Variants in PEX6 observed in about 807,000 individuals in gnomAD.
The protein encoded by PEX6 is peroxisome biogenesis factor 6.
In PEX6, 55 loss-of-function variants were observed where a neutral mutation model predicts 85.6. The ratio of observed to expected loss-of-function variants is 0.64; its 90% CI spans 0.52 to 0.80. PEX6 has a LOEUF of 0.80. PEX6 is among the 30% of genes least tolerant of loss of function. PEX6 has a pLI of 0.00. For synonymous variants in PEX6, 519 were observed against 549.1 expected (o/e 0.95, Z 0.77); for missense variants, 1,099 against 1,260.3 (o/e 0.87, Z 1.94).
Position 42,966,345 on chromosome 6 carries a change from G to A in PEX6, c.2197C>T (p.Leu733=). Residue 733 remains leucine (L), a synonymous_variant, in exon 11 of 17, where the codon CTG becomes TTG. Coordinates refer to ENST00000304611, the MANE Select transcript of PEX6 (RefSeq NM_000287.4). The stretch of plus-strand genomic sequence containing the variant: ...AGAAGGCCTGAGCGTCTCAGGCCCA[G>A]GCTCAGTAGCTCAGGGTGCTCCAGG... ...LPLEHPELLS[L]GLRRSGLLLH... The A allele has an allele frequency of 6.2e-7, 1 of 1,613,844 alleles. No individual in the cohort carries two copies. Among genetic ancestry groups the A allele is most frequent in the Non-Finnish European group, 8.5e-7 (1 of 1,179,992 alleles).
At chr6:42,969,009 G>A (rs754321415) in intron 5 of PEX6, 24 bp from the exon 6 acceptor site, 11 of 1,521,584 alleles carry the variant, frequency 7.2e-6, no homozygotes, top group South Asian at 1.1e-5. Context: ...ACAGACATTC[G>A]TCTCCTTCAT....
Position 42,966,414 on chromosome 6 carries a change from G to A in PEX6, c.2128C>T (p.Leu710=), listed in dbSNP as rs2114240061. Residue 710 remains leucine (L), a synonymous_variant, in exon 11 of 17, where the codon CTG becomes TTG. Transcript: ENST00000304611. The stretch of plus-strand genomic sequence containing the variant: ...AGGATCTCCTTCTTCACCTCCTGCA[G>A]CCCACCCACATCATGCCAGGACACT... ...PSVSWHDVGG[L]QEVKKEILET... The A allele has an allele frequency of 1.9e-6, 3 of 1,614,140 alleles. No individual in the cohort carries two copies. Among genetic ancestry groups the A allele is most frequent in the Non-Finnish European group, 2.5e-6 (3 of 1,180,020 alleles).
intron 3 of PEX6, among the ~76,000 whole-genome samples, chr6:42,972,420 G>A (rs368174431): frequency 3.3e-5 from 5 of 152,240 alleles, no homozygotes; most frequent in Non-Finnish European, 5.9e-5. Context: ...TTCTTGGCTC[G>A]GTTATGCTCT....
Position 42,965,861 on chromosome 6 carries a change from G to C in PEX6, c.2363-72C>G. Reference sequence around the variant, plus strand: ...GGGGTTGAAGTTAGGTGAGAGCAGGGAGGGAAACTGGGGCCTGACAATACA... The same window carrying C: ...GGGGTTGAAGTTAGGTGAGAGCAGGCAGGGAAACTGGGGCCTGACAATACA... On this transcript the variant is annotated intron_variant, in intron 12 of 16. Transcript: ENST00000304611. This position sits in a 1 kb window ranked among gnomAD's most constrained non-coding sequence, Gnocchi z 5.0. The C allele has an allele frequency of 7.1e-7, 1 of 1,408,310 alleles. No individual in the cohort carries two copies. Among genetic ancestry groups the C allele is most frequent in the Non-Finnish European group, 1.0e-6 (1 of 995,346 alleles). 87.2% of individuals were successfully genotyped at this position (1,408,310 alleles called of 1,614,324 possible).
At chr6:42,966,018 C>A (rs759417757) in intron 12 of PEX6, 26 bp downstream of exon 12, 154 of 1,611,248 alleles carry the variant, frequency 9.6e-5, no homozygotes, top group South Asian at 1.3e-4. Flanking sequence ...AAGCATGGGA[C>A]GCCCTGCCCC....
At chr6:42,974,442 G>GTTTTTTTTTTT (rs71855084) in intron 2 of PEX6, among the ~76,000 whole-genome samples, 14 of 115,976 alleles carry the variant, frequency 1.2e-4, no homozygotes, top group South Asian at 2.7e-4. Context: ...TGTCTGAAAT[G>GTTTTTTTTTTT]TTTTTTTTGT....
At position 42,965,942 on chromosome 6, in the gene PEX6, G is replaced by A. The variant is rs1490019445; in HGVS notation, c.2362+102C>T. Reference sequence around the variant, plus strand: ...GGGCAGGAACCTGACTTGTAGAAAGGAGGATTAGGAATGATCATGAGTAGC... The same window carrying A: ...GGGCAGGAACCTGACTTGTAGAAAGAAGGATTAGGAATGATCATGAGTAGC... On this transcript the variant is annotated intron_variant, in intron 12 of 16. Transcript: ENST00000304611. This position sits in a 1 kb window ranked among gnomAD's most constrained non-coding sequence, Gnocchi z 5.0. 7.0e-7 allele frequency: 1 copy of A among 1,426,820 alleles called. No homozygotes were observed. Among genetic ancestry groups the A allele is most frequent in the African/African-American group, 1.4e-5 (1 of 71,378 alleles). 88.4% of individuals were successfully genotyped at this position (1,426,820 alleles called of 1,614,324 possible). A position where few individuals can be genotyped will look rare whatever the true frequency, so the allele number is the denominator to read the frequency against.
rs1055515273 is a variant in PEX6, at chr6:42,978,381, G to A, written c.770C>T (p.Pro257Leu). ...GGGCTCTCCCAGCGGTCCAGAGCCG[G>A]GTCCCAGTCTATCAGAGAGGTCCCA... ...PRWDLSDRLG[P>L]GSGPLGEPLA... The change falls in exon 1 of 17, where the codon CCC (proline) becomes CTC (leucine). Residue 257 changes from proline (P) to leucine (L), a missense_variant. Coordinates refer to ENST00000304611, the MANE Select transcript of PEX6 (RefSeq NM_000287.4). 6.2e-7 allele frequency: 1 copy of A among 1,614,030 alleles called. No individual in the cohort carries two copies. Among genetic ancestry groups the A allele is most frequent in the Non-Finnish European group, 8.5e-7 (1 of 1,180,034 alleles).
Position 42,966,008 on chromosome 6 carries a change from A to C in PEX6, c.2362+36T>G, listed in dbSNP as rs201724388. ...GGCTTGGGGGCCATCGGGGTTTGGG[A>C]AGCATGGGACGCCCTGCCCCTCCCT... On this transcript the variant is annotated intron_variant, in intron 12 of 16. Coordinates refer to ENST00000304611, the MANE Select transcript of PEX6 (RefSeq NM_000287.4). 5.4e-4 allele frequency: 864 copies of C among 1,608,540 alleles called. 9 individuals are homozygous for C. In the African/African-American group the frequency reaches 0.01, roughly 19 times the overall value.
Position 42,966,654 on chromosome 6 carries a change from C to T in PEX6, c.1965G>A (p.Leu655=), listed in dbSNP as rs371692609. 6.2e-7 allele frequency: 1 copy of T among 1,614,174 alleles called. No individual in the cohort carries two copies. ...AACTRIKNSG[L]AGGLTEEDEG... ...CATCCTCCTCAGTCAAGCCACCTGC[C>T]AAACTGCAAAGAGGAACACAGGGAA... The change falls in exon 10 of 17, where the codon TTG becomes TTA. Residue 655 remains leucine, a synonymous_variant. Coordinates refer to ENST00000304611, the MANE Select transcript of PEX6 (RefSeq NM_000287.4).
In PEX6 at chr6:42,970,923, A is replaced by G. The variant is rs575808687; in HGVS notation, c.1131-936T>C. ...TGTCATAGTGAGTTAGGGTTATTCA[A>G]CCTACTAACGGGGAATAGGATGGGT... On this transcript the variant is annotated intron_variant, in intron 3 of 16. Transcript: ENST00000304611. Among the ~76,000 whole-genome samples the G allele has an allele frequency of 9.2e-5, 14 of 152,294 alleles. No individual in the cohort carries two copies. The East Asian group carries it at 9.6e-4, about 10-fold the overall frequency.
Position 42,969,964 on chromosome 6 carries a change from A to C in PEX6, c.1154T>G (p.Val385Gly), listed in dbSNP as rs758966196. The C allele has an allele frequency of 6.2e-7, 1 of 1,614,148 alleles. No homozygotes were observed. Among genetic ancestry groups the C allele is most frequent in the Non-Finnish European group, 8.5e-7 (1 of 1,180,008 alleles). ...TGGAGCTTCCCCAACTGTTTTCTTC[A>C]CTTTAAAAAACATTTCCCGCCACCT... Reference protein sequence around the residue: ...LPRWREMFFKVKKTVGEAPDG... With the variant: ...LPRWREMFFKGKKTVGEAPDG... The change falls in exon 4 of 17, where the codon GTG (valine) becomes GGG (glycine). Residue 385 changes from valine (V) to glycine (G), a missense_variant. Val to Gly is a moderately radical substitution (Grantham distance 109). Around this residue, in one of 3 missense-constraint regions of PEX6, gnomAD observed 579 missense variants for 611.6 expected, o/e 0.95. Coordinates refer to ENST00000304611, the MANE Select transcript of PEX6 (RefSeq NM_000287.4).
In PEX6 at chr6:42,966,609, G is replaced by A. The variant is rs759328524; in HGVS notation, c.2010C>T (p.Ala670=). Residue 670 remains alanine, a synonymous_variant, in exon 10 of 17, where the codon GCC becomes GCT. Transcript: ENST00000304611. The part of the protein sequence containing the change: ...TEEDEGELCA[A]GFPLLAEDFG... ...AGTCCTCAGCCAGGAGAGGAAAGCC[G>A]GCAGCACACAGCTCCCCCTCATCCT... 1.1e-5 allele frequency: 17 copies of A among 1,614,002 alleles called. No individual in the cohort carries two copies. The highest frequency in any genetic ancestry group is 7.7e-5 in the South Asian group (7 of 91,086).
intron 1 of PEX6, among the ~76,000 whole-genome samples, chr6:42,977,662 A>G (rs1303513479): frequency 6.9e-6 from 1 of 145,474 alleles, no homozygotes; most frequent in Non-Finnish European, 1.5e-5. Context: ...AGCCAGTAGT[A>G]GGAGGCTGAG....
intron 2 of PEX6, 81 bp downstream of exon 2, chr6:42,974,794 G>T: frequency 1.5e-6 from 2 of 1,300,140 alleles, no homozygotes; most frequent in Non-Finnish European, 2.2e-6. Context: ...GGGCCTCTGG[G>T]GTACTTGGTT....
chr6:42,969,129 C>A (rs1271951130), intron 5 of PEX6, 144 bp from the exon 6 acceptor site: 2 of 667,898 alleles, frequency 3.0e-6, no homozygotes, highest in Non-Finnish European at 5.4e-6. Context: ...GGGCTGTCCC[C>A]ATGTAGTGAG....
chr6:42,965,887 G>T lies in PEX6; in HGVS notation c.2363-98C>A. ...AGGGAAACTGGGGCCTGACAATACAGCACTGGCATCCCAGGTACTAGACCC... is the reference window on the plus strand; with the variant it reads ...AGGGAAACTGGGGCCTGACAATACATCACTGGCATCCCAGGTACTAGACCC... On this transcript the variant is annotated intron_variant, in intron 12 of 16. Coordinates refer to ENST00000304611, the MANE Select transcript of PEX6 (RefSeq NM_000287.4). The surrounding 1 kb of genome is among the most constrained non-coding windows in gnomAD (Gnocchi z 5.0). 3 of 1,286,992 alleles carry T rather than the reference G, an allele frequency of 2.3e-6. No homozygotes were observed. Among genetic ancestry groups the T allele is most frequent in the East Asian group, 2.3e-5 (1 of 43,414 alleles). The allele number at this position is 1,286,992 out of a possible 1,614,324, so 79.7% of individuals were successfully genotyped here.
rs1427287988 is a variant in PEX6 at position 42,969,804 on chromosome 6, G to A, written c.1234-3C>T. 3.7e-6 allele frequency: 6 copies of A among 1,613,570 alleles called. No individual in the cohort carries two copies. The South Asian group carries it at 4.4e-5, about 12-fold the overall frequency. On this transcript the variant is annotated splice_region_variant and splice_polypyrimidine_tract_variant and intron_variant, in intron 4 of 16. Transcript: ENST00000304611. ...ACAGGGCTCAGGGTAGAACCCACCT[G>A]TGAAAGGTAATAAAAAGCTTTCGTT...
At chr6:42,968,828 C>A in intron 6 of PEX6, 46 bp downstream of exon 6, 5 of 1,355,044 alleles carry the variant, frequency 3.7e-6, no homozygotes, top group Non-Finnish European at 5.3e-6. Context: ...AGAACATGAG[C>A]TGGGGAGGGG....
Sources: allele counts gnomAD v4.1 joint callset (sites outside exome capture counted in the v4.1 genomes callset), GRCh38; gene constraint gnomAD v4.1.1; regional missense constraint gnomAD v4.1.1; non-coding constraint Gnocchi (gnomAD v3.1); transcripts MANE v1.5; gene names NCBI Gene and HGNC (gene_info 2026-07-23, HGNC 2026-07-21).